Variants in CDC14A observed in about 807,000 individuals in gnomAD.
The protein encoded by CDC14A is dual specificity protein phosphatase CDC14A.
CDC14A carries 53 observed loss-of-function variants against 74.4 expected under a neutral mutation model. The ratio of observed to expected loss-of-function variants is 0.71; its 90% CI spans 0.57 to 0.89. The LOEUF is 0.89. CDC14A is among the 40% of genes least tolerant of loss of function. CDC14A has a pLI of 0.00. For missense variants in CDC14A, 646 were observed against 713.7 expected (o/e 0.91, Z 1.08); for synonymous variants, 247 against 258.4 (o/e 0.96, Z 0.43).
chr1:100,345,099 A>G (rs1478551799), exon 1 of CDC14A: 1 of 152,188 alleles, frequency 6.6e-6, no homozygotes, highest in East Asian at 1.9e-4. Flanking sequence ...AGAGACAGGC[A>G]TATCATCACA....
chr1:100,410,839 A>G (rs1660595617), intron 4 of CDC14A, among the ~76,000 whole-genome samples: 1 of 152,198 alleles, frequency 6.6e-6, no homozygotes, highest in South Asian at 2.1e-4. Flanking sequence ...ATTCAATTTA[A>G]AAAATTTTTA....
chr1:100,470,489 G>T (rs1457458361), intron 10 of CDC14A, among the ~76,000 whole-genome samples: 1 of 151,772 alleles, frequency 6.6e-6, no homozygotes, highest in Non-Finnish European at 1.5e-5. Context: ...AGTGAAATTA[G>T]TAAGATTGCA....
intron 2 of CDC14A, among the ~76,000 whole-genome samples, chr1:100,366,059 T>C (rs1653553190): frequency 6.6e-6 from 1 of 152,156 alleles, no homozygotes; most frequent in Non-Finnish European, 1.5e-5. Flanking sequence ...TCTCAGTAGA[T>C]AGTGAGCTCC....
At chr1:100,364,459 G>T (rs191611431) in intron 2 of CDC14A, among the ~76,000 whole-genome samples, 24 of 150,766 alleles carry the variant, frequency 1.6e-4, no homozygotes, top group African/African-American at 5.2e-4. Flanking sequence ...TGATCCGCCC[G>T]CCTCGGCCTC....
At chr1:100,491,182 C>T (rs1043833823) in intron 11 of CDC14A, among the ~76,000 whole-genome samples, 39 of 151,880 alleles carry the variant, frequency 2.6e-4, no homozygotes, top group Admixed American at 2.5e-3. Context: ...AGCCATAAAA[C>T]GACAGAGATT....
chr1:100,353,492 C>A, intron 1 of CDC14A, among the ~76,000 whole-genome samples: 1 of 152,180 alleles, frequency 6.6e-6, no homozygotes, highest in East Asian at 1.9e-4. Flanking sequence ...TCCAGTTCTG[C>A]GGGTACCCCC....
chr1:100,359,312 G>T (rs993520707), intron 2 of CDC14A, among the ~76,000 whole-genome samples: 1 of 152,200 alleles, frequency 6.6e-6, no homozygotes, highest in African/African-American at 2.4e-5. Context: ...TAGAGGTCCA[G>T]AGAGGGAAGT....
At chr1:100,393,361 G>A in intron 4 of CDC14A, 1 of 899,446 alleles carries the variant, frequency 1.1e-6, no homozygotes, top group Non-Finnish European at 1.9e-6. Flanking sequence ...ACTGCTTGAT[G>A]CTCTAACTAG....
At chr1:100,502,795 A>G (rs1016876015) in intron 15 of CDC14A, among the ~76,000 whole-genome samples, 5 of 152,022 alleles carry the variant, frequency 3.3e-5, no homozygotes, top group African/African-American at 9.7e-5. Context: ...CTCGTTCCGT[A>G]TTTTGTTATT....
At position 100,397,215 on chromosome 1, in the gene CDC14A, C is replaced by T. The variant is rs547286395; in HGVS notation, c.309+6391C>T. Among the ~76,000 whole-genome samples, 7 of 152,174 alleles carry T rather than the reference C, an allele frequency of 4.6e-5. No homozygotes were observed. The South Asian group carries it at 1.5e-3, about 32-fold the overall frequency. The stretch of plus-strand genomic sequence containing the variant: ...CTGGAATGATGTGGGCACTGGAGAC[C>T]ACAGTGACACTTAGCAGATGCTAGG... On this transcript the variant is annotated intron_variant, in intron 4 of 15. Coordinates refer to ENST00000336454, the MANE Select transcript of CDC14A (RefSeq NM_003672.4).
upstream of CDC14A, among the ~76,000 whole-genome samples, chr1:100,347,502 C>G (rs1333839859): frequency 6.6e-6 from 1 of 152,180 alleles, no homozygotes; most frequent in Non-Finnish European, 1.5e-5. Context: ...TTGTCTGATA[C>G]AGAATGTGGC....
chr1:100,418,522 G>A (rs1661827095), intron 4 of CDC14A, among the ~76,000 whole-genome samples: 2 of 152,190 alleles, frequency 1.3e-5, no homozygotes, highest in South Asian at 2.1e-4. Context: ...ATATCTTGGT[G>A]AAGGGTTGGC....
chr1:100,491,550 A>C (rs5007745), intron 11 of CDC14A, among the ~76,000 whole-genome samples: 4,492 of 29,260 alleles, frequency 0.15, 233 homozygotes, highest in East Asian at 0.27. Flanking sequence ...CTCTCTCTCT[A>C]TATATATATA....
At chr1:100,416,634 A>G (rs974000795) in intron 4 of CDC14A, among the ~76,000 whole-genome samples, 5 of 152,190 alleles carry the variant, frequency 3.3e-5, no homozygotes, top group Non-Finnish European at 5.9e-5. Context: ...GTGAGAAATA[A>G]TAACAGTGTG....
intron 3 of CDC14A, among the ~76,000 whole-genome samples, chr1:100,378,218 G>A (rs1055694578): frequency 2.0e-5 from 3 of 152,048 alleles, no homozygotes; most frequent in Non-Finnish European, 4.4e-5. Context: ...GTACTTTTAT[G>A]TGGATTTTGG....
At chr1:100,367,264 C>T (rs1347106396) in intron 2 of CDC14A, among the ~76,000 whole-genome samples, 1 of 152,166 alleles carries the variant, frequency 6.6e-6, no homozygotes, top group African/African-American at 2.4e-5. Flanking sequence ...AAATCTAGCA[C>T]ATTTGATTAT....
intron 2 of CDC14A, among the ~76,000 whole-genome samples, chr1:100,369,211 C>T (rs1052618414): frequency 6.6e-5 from 10 of 151,914 alleles, no homozygotes; most frequent in African/African-American, 2.2e-4. Flanking sequence ...TGGGTTCAAG[C>T]GATTCTCCTG....
intron 10 of CDC14A, among the ~76,000 whole-genome samples, chr1:100,477,227 G>A: frequency 6.6e-6 from 1 of 152,058 alleles, no homozygotes; most frequent in South Asian, 2.1e-4. Flanking sequence ...TTACGGTAAT[G>A]CTTTACAATA....
chr1:100,421,404 G>A (rs1034869310), intron 4 of CDC14A, among the ~76,000 whole-genome samples: 5 of 152,134 alleles, frequency 3.3e-5, no homozygotes, highest in Non-Finnish European at 7.4e-5. Context: ...TTTAGAAAGA[G>A]TACACATTTG....
Sources: allele counts gnomAD v4.1 joint callset (sites outside exome capture counted in the v4.1 genomes callset), GRCh38; gene constraint gnomAD v4.1.1; transcripts MANE v1.5; gene names NCBI Gene and HGNC (gene_info 2026-07-23, HGNC 2026-07-21).